KRABD5: variants seen among roughly 807,000 people sequenced by gnomAD.
The protein encoded by KRABD5 is KRAB domain containing 5.
chr16:31,748,022 T>C, the KRABD5 span, among the ~76,000 whole-genome samples: 1 of 152,196 alleles, frequency 6.6e-6, no homozygotes, highest in South Asian at 2.1e-4. Flanking sequence ...ATTTTGTCTT[T>C]TGTTGCCATT....
chr16:31,714,572 A>G, the KRABD5 span, among the ~76,000 whole-genome samples: 1 of 152,198 alleles, frequency 6.6e-6, no homozygotes, highest in African/African-American at 2.4e-5. Flanking sequence ...TGGACCTGAA[A>G]GAGAGAGCCT....
chr16:31,734,726 A>G, the KRABD5 span, among the ~76,000 whole-genome samples: 1 of 150,980 alleles, frequency 6.6e-6, no homozygotes, highest in Non-Finnish European at 1.5e-5. Context: ...CTCTGCTTAT[A>G]TCAGCTTTTT....
At chr16:31,749,479 G>A in the KRABD5 span, among the ~76,000 whole-genome samples, 3 of 152,210 alleles carry the variant, frequency 2.0e-5, no homozygotes, top group African/African-American at 4.8e-5. Context: ...GGTGCTTGTC[G>A]CCCCTCCCTG....
chr16:31,759,533 T>C, the KRABD5 span: 9 of 1,031,190 alleles, frequency 8.7e-6, no homozygotes, highest in Middle Eastern at 6.4e-4. Context: ...TTGCAATGTA[T>C]GTACATCTTC....
the KRABD5 span, among the ~76,000 whole-genome samples, chr16:31,749,031 T>A: frequency 2.0e-5 from 3 of 152,248 alleles, no homozygotes; most frequent in African/African-American, 7.2e-5. Flanking sequence ...TTGTCTGGGC[T>A]GCCTGGATTC....
At chr16:31,741,145 A>AT in the KRABD5 span, among the ~76,000 whole-genome samples, 2 of 151,018 alleles carry the variant, frequency 1.3e-5, no homozygotes, top group African/African-American at 2.5e-5. Context: ...ACATGATTTT[A>AT]TTTTTTTTAT....
At chr16:31,749,023 G>T in the KRABD5 span, among the ~76,000 whole-genome samples, 2 of 152,204 alleles carry the variant, frequency 1.3e-5, no homozygotes, top group Non-Finnish European at 2.9e-5. Flanking sequence ...AAACCCACTT[G>T]TCTGGGCTGC....
the KRABD5 span, chr16:31,713,551 C>G: frequency 1.4e-6 from 2 of 1,416,034 alleles, no homozygotes; most frequent in Middle Eastern, 2.1e-4. Flanking sequence ...GGACGCAACT[C>G]GGCCCTTGGT....
the KRABD5 span, chr16:31,753,689 A>C: frequency 1.5e-6 from 2 of 1,319,742 alleles, no homozygotes; most frequent in Non-Finnish European, 2.0e-6. Flanking sequence ...ACGTGATATA[A>C]TTTGTGTATT....
At chr16:31,742,193 C>CA in the KRABD5 span, among the ~76,000 whole-genome samples, 125,943 of 146,008 alleles carry the variant, frequency 0.86, 54,539 homozygotes, top group Middle Eastern at 0.92. Flanking sequence ...TTTATTTCCT[C>CA]AAAAAAAAAA....
At chr16:31,721,469 AT>A in the KRABD5 span, among the ~76,000 whole-genome samples, 5 of 151,038 alleles carry the variant, frequency 3.3e-5, no homozygotes, top group African/African-American at 1.2e-4. Context: ...AAATAAAAAA[AT>A]AAATAAATAT....
the KRABD5 span, among the ~76,000 whole-genome samples, chr16:31,736,167 A>T: frequency 6.6e-6 from 1 of 152,150 alleles, no homozygotes; most frequent in Non-Finnish European, 1.5e-5. Flanking sequence ...TCTTTTCCCC[A>T]AAGTGTGTTC....
the KRABD5 span, among the ~76,000 whole-genome samples, chr16:31,732,452 A>G: frequency 2.0e-5 from 3 of 152,242 alleles, no homozygotes; most frequent in African/African-American, 7.2e-5. Context: ...TTAGATTACT[A>G]GTGGGTACCA....
chr16:31,755,329 T>C, the KRABD5 span: 2 of 505,618 alleles, frequency 4.0e-6, no homozygotes, highest in Admixed American at 2.1e-5. Flanking sequence ...AAGCCTTTAA[T>C]TGTAGTTCAC....
At chr16:31,742,228 C>T in the KRABD5 span, among the ~76,000 whole-genome samples, 3 of 150,382 alleles carry the variant, frequency 2.0e-5, no homozygotes, top group African/African-American at 7.3e-5. Flanking sequence ...ATTTGCAGAA[C>T]ATGCAGGTTT....
chr16:31,753,670 G>C, the KRABD5 span: 5 of 1,163,980 alleles, frequency 4.3e-6, no homozygotes, highest in Non-Finnish European at 5.8e-6. Context: ...AACTATCATG[G>C]TGTTCTCAAC....
At chr16:31,738,156 A>T in the KRABD5 span, among the ~76,000 whole-genome samples, 6 of 152,148 alleles carry the variant, frequency 3.9e-5, no homozygotes, top group East Asian at 9.7e-4. Flanking sequence ...ATGGTTATGG[A>T]TATTGTGTAT....
the KRABD5 span, chr16:31,760,540 G>C: frequency 7.4e-6 from 1 of 135,328 alleles, no homozygotes; most frequent in Non-Finnish European, 1.6e-5. Flanking sequence ...GGTGAGGGAT[G>C]CATTAGCTGT....
chr16:31,713,578 TGGCG>T, the KRABD5 span: 7 of 1,267,022 alleles, frequency 5.5e-6, no homozygotes, highest in Non-Finnish European at 7.5e-6. Context: ...CGCCGCAAGA[TGGCG>T]GCCGGGCCGG....
Sources: allele counts gnomAD v4.1 joint callset (sites outside exome capture counted in the v4.1 genomes callset), GRCh38; gene constraint gnomAD v4.1.1; transcripts MANE v1.5; gene names NCBI Gene and HGNC (gene_info 2026-07-23, HGNC 2026-07-21).